The following IGSF10 variants were observed in gnomAD, a reference collection of about 807,000 sequenced individuals.
IGSF10 encodes the protein immunoglobulin superfamily member 10.
IGSF10 carries 126 observed loss-of-function variants against 128.2 expected under a neutral mutation model. The ratio of observed to expected loss-of-function variants is 0.98; its 90% CI spans 0.85 to 1.14. The LOEUF (loss-of-function observed/expected upper bound fraction) is 1.14. Among genes scored for constraint, IGSF10 ranks in the 50% most tolerant of loss-of-function variants. The pLI, the probability that IGSF10 is intolerant of heterozygous loss-of-function variation, is 0.00. For missense variants in IGSF10, 3,295 were observed against 3,149.8 expected, an observed-to-expected ratio of 1.05 and a Z score of -1.10; for synonymous variants, 1,185 against 1,146.2, an observed-to-expected ratio of 1.03 and a Z score of -0.68.
chr3:151,561,767 C>T, the IGSF10 span, among the ~76,000 whole-genome samples: 20 of 151,940 alleles, frequency 1.3e-4, no homozygotes, highest in African/African-American at 4.4e-4. Flanking sequence ...CTCTGGTAAC[C>T]TGGGGAAGCA....
At position 151,437,847 on chromosome 3, in the gene IGSF10, A is replaced by C; in HGVS notation, c.6714T>G (p.Asn2238Lys). 1.2e-6 allele frequency: 2 copies of C among 1,614,084 alleles called. No individual in the cohort carries two copies. The highest frequency in any genetic ancestry group is 8.5e-7 in the Non-Finnish European group (1 of 1,179,988). ...LDVVSKPPLINGLYTNRTVIK... is the reference protein window; with the variant it reads ...LDVVSKPPLIKGLYTNRTVIK... ...TAACAGTTCTGTTTGTATACAGACC[A>C]TTGATTAATGGAGGTTTAGAGACCA... Residue 2238 changes from asparagine (N) to lysine (K), a missense_variant, in exon 8 of 8, where the codon AAT (asparagine) becomes AAG (lysine). Transcript: ENST00000282466.
the IGSF10 span, among the ~76,000 whole-genome samples, chr3:151,565,105 A>G: frequency 3.3e-5 from 5 of 152,296 alleles, no homozygotes; most frequent in African/African-American, 1.2e-4. Context: ...CTTTCTCTCT[A>G]AAAACTCTGA....
At chr3:151,505,598 G>A in the IGSF10 span, among the ~76,000 whole-genome samples, 1 of 152,120 alleles carries the variant, frequency 6.6e-6, no homozygotes, top group Non-Finnish European at 1.5e-5. Context: ...ATTAGGCCCT[G>A]GAAGCTGCAA....
At chr3:151,574,205 T>C in the IGSF10 span, among the ~76,000 whole-genome samples, 1 of 152,170 alleles carries the variant, frequency 6.6e-6, no homozygotes, top group South Asian at 2.1e-4. Context: ...TTGGGGTTGC[T>C]CTTCTCGAGG....
chr3:151,588,839 T>C, the IGSF10 span, among the ~76,000 whole-genome samples: 3 of 152,048 alleles, frequency 2.0e-5, no homozygotes, highest in Non-Finnish European at 4.4e-5. Context: ...AGCAACAAAG[T>C]AGAGTAAGAG....
the IGSF10 span, among the ~76,000 whole-genome samples, chr3:151,506,322 C>T: frequency 3.9e-5 from 6 of 152,098 alleles, no homozygotes; most frequent in Non-Finnish European, 8.8e-5. Context: ...GGCCCTATTC[C>T]TTTATGGACT....
chr3:151,543,498 T>C, the IGSF10 span, among the ~76,000 whole-genome samples: 1 of 152,160 alleles, frequency 6.6e-6, no homozygotes, highest in South Asian at 2.1e-4. Flanking sequence ...AGCAGTGTTG[T>C]GCCATGCCGT....
At chr3:151,466,937 G>A in the IGSF10 span, among the ~76,000 whole-genome samples, 10 of 152,004 alleles carry the variant, frequency 6.6e-5, no homozygotes, top group East Asian at 1.9e-4. Flanking sequence ...TAAGATGGTC[G>A]AAATGAGGAA....
the IGSF10 span, among the ~76,000 whole-genome samples, chr3:151,614,795 C>T: frequency 6.7e-6 from 1 of 149,528 alleles, no homozygotes; most frequent in African/African-American, 2.5e-5. Context: ...ACGTTGTGCA[C>T]ATGTACCCTA....
chr3:151,574,633 G>T, the IGSF10 span, among the ~76,000 whole-genome samples: 8,829 of 152,118 alleles, frequency 0.058, 348 homozygotes, highest in Admixed American at 0.13. Context: ...CTTTTTTCAA[G>T]GTTTTTAGCT....
chr3:151,461,776 G>T (rs572240915), upstream of IGSF10, among the ~76,000 whole-genome samples: 325 of 152,030 alleles, frequency 2.1e-3, 1 homozygote, highest in Non-Finnish European at 3.4e-3. Flanking sequence ...CTCTATCTCT[G>T]TATAATCGAC....
At chr3:151,483,740 C>A in the IGSF10 span, among the ~76,000 whole-genome samples, 1 of 152,156 alleles carries the variant, frequency 6.6e-6, no homozygotes, top group Non-Finnish European at 1.5e-5. Context: ...CCAAGGGAAG[C>A]CATTAGGGAC....
At chr3:151,523,467 G>C in the IGSF10 span, among the ~76,000 whole-genome samples, 1 of 152,076 alleles carries the variant, frequency 6.6e-6, no homozygotes, top group Non-Finnish European at 1.5e-5. Context: ...TACAAAAACA[G>C]GCACATAGAC....
the IGSF10 span, among the ~76,000 whole-genome samples, chr3:151,482,144 AAAC>A: frequency 9.8e-5 from 15 of 152,346 alleles, no homozygotes; most frequent in Middle Eastern, 3.4e-3. Context: ...ATGAAAAAGA[AAAC>A]AAGATACTAT....
rs751911712 is a variant in IGSF10 at position 151,442,973 on chromosome 3, T to C, written c.5963+11A>G. Reference sequence around the variant, plus strand: ...AAAGCAGATAATTCCAACCCAAAGGTATAGACTTACCTATGCTGCTGGTCG... The same window carrying C: ...AAAGCAGATAATTCCAACCCAAAGGCATAGACTTACCTATGCTGCTGGTCG... On this transcript the variant is annotated intron_variant, in intron 7 of 7. Transcript: ENST00000282466. 6.2e-7 allele frequency: 1 copy of C among 1,608,340 alleles called. No homozygotes were observed. Among genetic ancestry groups the C allele is most frequent in the Non-Finnish European group, 8.5e-7 (1 of 1,177,082 alleles).
chr3:151,612,876 GA>G, the IGSF10 span, among the ~76,000 whole-genome samples: 1 of 152,146 alleles, frequency 6.6e-6, no homozygotes, highest in African/African-American at 2.4e-5. Context: ...GATCATTAGA[GA>G]AATGCAAATC....
chr3:151,597,305 T>C, the IGSF10 span, among the ~76,000 whole-genome samples: 1 of 152,166 alleles, frequency 6.6e-6, no homozygotes, highest in Non-Finnish European at 1.5e-5. Flanking sequence ...TGTCTAATCA[T>C]GAACTTTGGT....
chr3:151,504,658 A>ATTAT, the IGSF10 span, among the ~76,000 whole-genome samples: 3 of 151,896 alleles, frequency 2.0e-5, no homozygotes, highest in African/African-American at 7.3e-5. Flanking sequence ...AAGCTAGCTG[A>ATTAT]CTATTTTAAG....
the IGSF10 span, among the ~76,000 whole-genome samples, chr3:151,599,908 G>A: frequency 2.0e-5 from 3 of 152,188 alleles, no homozygotes; most frequent in African/African-American, 7.2e-5. Flanking sequence ...GTTGGAAACA[G>A]ATCAAATAGA....
Sources: allele counts gnomAD v4.1 joint callset (sites outside exome capture counted in the v4.1 genomes callset), GRCh38; gene constraint gnomAD v4.1.1; transcripts MANE v1.5; gene names NCBI Gene and HGNC (gene_info 2026-07-23, HGNC 2026-07-21).